The following FBXO28 variants were observed in gnomAD, a reference collection of about 807,000 sequenced individuals.
FBXO28 encodes the protein F-box only protein 28.
Under a neutral mutation model 38.1 loss-of-function variants are expected in FBXO28, and 8 were observed. That is an observed-to-expected ratio of 0.21 (90% confidence interval 0.12 to 0.38). The LOEUF is 0.38. Among genes scored for constraint, FBXO28 ranks in the 10% least tolerant of loss-of-function variants. The pLI is 1.00. For synonymous variants in FBXO28, 168 were observed against 173.8 expected (o/e 0.97, Z 0.26); for missense variants, 345 against 460.6 (o/e 0.75, Z 2.30).
intron 3 of FBXO28, among the ~76,000 whole-genome samples, chr1:224,144,847 CAT>C (rs771544591): frequency 1.3e-4 from 20 of 152,132 alleles, no homozygotes; most frequent in South Asian, 6.2e-4. Flanking sequence ...GCTTTACAAA[CAT>C]GTATTCCCTG....
chr1:224,143,591 G>T (rs957041718), intron 3 of FBXO28, among the ~76,000 whole-genome samples: 1 of 152,188 alleles, frequency 6.6e-6, no homozygotes, highest in South Asian at 2.1e-4. Context: ...TTGGGAGGCC[G>T]AGGCGGGCAG....
At chr1:224,152,790 G>A (rs904952885) in intron 3 of FBXO28, among the ~76,000 whole-genome samples, 4 of 151,906 alleles carry the variant, frequency 2.6e-5, no homozygotes, top group Admixed American at 2.0e-4. Flanking sequence ...TTAGCCACGC[G>A]TGATGGCGGG....
In FBXO28 at chr1:224,158,926, T is replaced by G. The variant is rs920370628; in HGVS notation, c.*1180T>G. ...TCAAGCTTTCCTTACCCTACAACTTTAAACAAAAGCTTTAATTTTGTTTGC... is the reference window on the plus strand; with the variant it reads ...TCAAGCTTTCCTTACCCTACAACTTGAAACAAAAGCTTTAATTTTGTTTGC... On this transcript the variant is annotated 3_prime_UTR_variant, in exon 5 of 5. Coordinates refer to ENST00000366862, the MANE Select transcript of FBXO28 (RefSeq NM_015176.4). The G allele has an allele frequency of 6.6e-6, 1 of 152,652 alleles. No individual in the cohort carries two copies. The highest frequency in any genetic ancestry group is 1.5e-5 in the Non-Finnish European group (1 of 68,046). 9.5% of individuals were successfully genotyped at this position (152,652 alleles called of 1,614,324 possible). A position where few individuals can be genotyped will look rare whatever the true frequency, so the allele number is the denominator to read the frequency against.
intron 4 of FBXO28, among the ~76,000 whole-genome samples, chr1:224,153,612 C>T (rs1010013045): frequency 6.6e-6 from 1 of 152,168 alleles, no homozygotes; most frequent in Non-Finnish European, 1.5e-5. Context: ...TTACAATAAA[C>T]TTATTAGAAA....
intron 3 of FBXO28, among the ~76,000 whole-genome samples, chr1:224,150,074 A>G (rs1284190086): frequency 9.2e-6 from 1 of 108,562 alleles, no homozygotes; most frequent in African/African-American, 3.1e-5. Flanking sequence ...CTGTAATCCC[A>G]GCACTTTGGG....
intron 1 of FBXO28, among the ~76,000 whole-genome samples, chr1:224,117,921 C>T (rs894118058): frequency 2.6e-5 from 4 of 152,078 alleles, no homozygotes; most frequent in Non-Finnish European, 4.4e-5. Flanking sequence ...AGGCTTTGAA[C>T]CTATGTAACT....
intron 3 of FBXO28, among the ~76,000 whole-genome samples, chr1:224,149,326 A>T (rs1250036511): frequency 1.4e-5 from 2 of 147,648 alleles, no homozygotes; most frequent in African/African-American, 2.5e-5. Flanking sequence ...GACTGATCAC[A>T]GCTCATGGGA....
intron 2 of FBXO28, among the ~76,000 whole-genome samples, chr1:224,131,713 T>C (rs1657052549): frequency 6.6e-6 from 1 of 152,186 alleles, no homozygotes; most frequent in Admixed American, 6.5e-5. Context: ...CACTATACTA[T>C]ATAACCCTTA....
chr1:224,145,835 A>G (rs1235928653), intron 3 of FBXO28, among the ~76,000 whole-genome samples: 1 of 152,206 alleles, frequency 6.6e-6, no homozygotes, highest in Non-Finnish European at 1.5e-5. Context: ...TGGAAGGCCA[A>G]GGCAGGTGGA....
At chr1:224,135,631 A>AG (rs1558191182) in intron 3 of FBXO28, among the ~76,000 whole-genome samples, 1 of 131,932 alleles carries the variant, frequency 7.6e-6, no homozygotes, top group Non-Finnish European at 1.6e-5. Context: ...AAAAAAAAAA[A>AG]AAAAGAAAAA....
intron 1 of FBXO28, among the ~76,000 whole-genome samples, chr1:224,118,487 G>A (rs1013468751): frequency 6.6e-6 from 1 of 152,150 alleles, no homozygotes; most frequent in Non-Finnish European, 1.5e-5. Flanking sequence ...AGGTTAAGTT[G>A]AGAATTCTTG....
At chr1:224,138,884 C>T (rs61827700) in intron 3 of FBXO28, among the ~76,000 whole-genome samples, 18,949 of 151,694 alleles carry the variant, frequency 0.12, 1,436 homozygotes, top group Middle Eastern at 0.25. Flanking sequence ...TGGGTTCAAG[C>T]GATTCTCCTG....
chr1:224,128,853 G>GT (rs1470861379), intron 1 of FBXO28, among the ~76,000 whole-genome samples: 2 of 151,816 alleles, frequency 1.3e-5, no homozygotes, highest in Non-Finnish European at 2.9e-5. Context: ...GCGCGGGGTG[G>GT]TGCATACCTG....
intron 1 of FBXO28, among the ~76,000 whole-genome samples, chr1:224,127,892 G>A (rs749872134): frequency 6.2e-4 from 95 of 152,194 alleles, no homozygotes; most frequent in Non-Finnish European, 3.1e-4. Flanking sequence ...GGGTGACAGC[G>A]AAACTCTGTC....
At chr1:224,119,339 G>T (rs1187325401) in intron 1 of FBXO28, among the ~76,000 whole-genome samples, 1 of 150,670 alleles carries the variant, frequency 6.6e-6, no homozygotes, top group South Asian at 2.1e-4. Context: ...GGGTTTCACC[G>T]TGTTAGCCAG....
intron 1 of FBXO28, among the ~76,000 whole-genome samples, chr1:224,116,395 C>A (rs1656644419): frequency 6.6e-6 from 1 of 152,038 alleles, no homozygotes; most frequent in Non-Finnish European, 1.5e-5. Context: ...GCTGTACATG[C>A]CTTCTTAAGT....
At chr1:224,143,265 C>T (rs1657409455) in intron 3 of FBXO28, among the ~76,000 whole-genome samples, 1 of 151,890 alleles carries the variant, frequency 6.6e-6, no homozygotes, top group Non-Finnish European at 1.5e-5. Context: ...CAGTTCCCGG[C>T]CAGGGCCACT....
rs1293461322 is a variant in FBXO28, at chr1:224,158,586, G to A, written c.*840G>A. ...GAATTGTTCATCCATTTGTCCTCCA[G>A]TTTTATAGGAACAAGAGACTATTAA... On this transcript the variant is annotated 3_prime_UTR_variant, in exon 5 of 5. Transcript: ENST00000366862. The A allele has an allele frequency of 6.6e-6, 1 of 152,416 alleles. No homozygotes were observed. Among genetic ancestry groups the A allele is most frequent in the Non-Finnish European group, 1.5e-5 (1 of 68,054 alleles). The allele number at this position is 152,416 out of a possible 1,614,324, so 9.4% of individuals were successfully genotyped here. A position where few individuals can be genotyped will look rare whatever the true frequency, so the allele number is the denominator to read the frequency against.
At chr1:224,130,417 T>A in intron 1 of FBXO28, 55 bp from the exon 2 acceptor site, 1 of 1,147,146 alleles carries the variant, frequency 8.7e-7, no homozygotes, top group Non-Finnish European at 1.3e-6. Flanking sequence ...GTTATGAGTC[T>A]CAGTTGTCTC....
Sources: gnomAD v4.1 joint callset for allele counts (sites outside exome capture counted in the v4.1 genomes callset) on GRCh38, gnomAD v4.1.1 for gene constraint, MANE v1.5 for transcripts, NCBI Gene and HGNC (gene_info 2026-07-23, HGNC 2026-07-21) for gene names.